The following COPB1 variants were observed in gnomAD, a reference collection of about 807,000 sequenced individuals.
COPB1 encodes the protein coatomer subunit beta.
A neutral mutation model predicts 108.7 loss-of-function variants in COPB1; 21 were observed. The observed-to-expected ratio is 0.19, with a 90% CI of 0.14 to 0.28. The LOEUF (loss-of-function observed/expected upper bound fraction) is 0.28. Ranked by LOEUF, COPB1 falls within the 10% of genes least tolerant of loss-of-function variation. The pLI, the probability that COPB1 is intolerant of heterozygous loss-of-function variation, is 1.00. For missense variants in COPB1, 919 were observed against 1,141.3 expected (o/e 0.81, Z 2.81); for synonymous variants, 378 against 386.8 (o/e 0.98, Z 0.27).
rs1315148651 is a variant in COPB1, at chr11:14,461,220, C to T, written c.2522G>A (p.Arg841His). 1.1e-5 allele frequency: 17 copies of T among 1,614,018 alleles called. No homozygotes were observed. The highest frequency in any genetic ancestry group is 2.2e-5 in the South Asian group (2 of 91,074). ...QPATCTDAEF[R>H]QMWAEFEWEN... Reference sequence around the variant, plus strand: ...CCATTCAAATTCGGCCCACATCTGACGGAATTCTGCATCAGTGCAAGTTGC... The same window carrying T: ...CCATTCAAATTCGGCCCACATCTGATGGAATTCTGCATCAGTGCAAGTTGC... The change falls in exon 19 of 22, where the codon CGT (arginine) becomes CAT (histidine). Residue 841 changes from arginine (R) to histidine (H), a missense_variant. Around this residue, in one of 5 missense-constraint regions of COPB1, gnomAD observed 705 missense variants for 817.8 expected, o/e 0.86. Transcript: ENST00000439561.
At chr11:14,469,595 T>A (rs773875037) in intron 14 of COPB1, 32 bp from the exon 15 acceptor site, 23 of 1,553,582 alleles carry the variant, frequency 1.5e-5, no homozygotes, top group Non-Finnish European at 2.0e-5. Flanking sequence ...TTACTGATAT[T>A]GTCTTGATTC....
At chr11:14,465,646 A>G (rs2134097154) in intron 17 of COPB1, among the ~76,000 whole-genome samples, 1 of 152,352 alleles carries the variant, frequency 6.6e-6, no homozygotes, top group Admixed American at 6.5e-5. Flanking sequence ...CTTAAGAAAC[A>G]TGGTTTTTTA....
At chr11:14,487,612 C>A (rs1239170990) in intron 6 of COPB1, among the ~76,000 whole-genome samples, 1 of 151,428 alleles carries the variant, frequency 6.6e-6, no homozygotes, top group Non-Finnish European at 1.5e-5. Context: ...GAGGTAGAGG[C>A]AGCAGTGAGC....
chr11:14,476,406 C>A (rs1185312324), intron 12 of COPB1, among the ~76,000 whole-genome samples: 2 of 152,180 alleles, frequency 1.3e-5, no homozygotes, highest in African/African-American at 2.4e-5. Context: ...TTTAAATTAA[C>A]TGAATGGCTA....
intron 16 of COPB1, 33 bp from the exon 17 acceptor site, chr11:14,466,459 G>A: frequency 1.8e-5 from 29 of 1,590,592 alleles, no homozygotes; most frequent in Non-Finnish European, 2.4e-5. Flanking sequence ...ATAATCAAAT[G>A]ACAGATGCAA....
chr11:14,463,269 C>G (rs1223698899), intron 18 of COPB1, among the ~76,000 whole-genome samples: 1 of 152,106 alleles, frequency 6.6e-6, no homozygotes, highest in African/African-American at 2.4e-5. Flanking sequence ...TGGGTGATTT[C>G]TTCTATTCCT....
chr11:14,470,941 C>T (rs1284227829), intron 14 of COPB1, among the ~76,000 whole-genome samples: 5 of 111,902 alleles, frequency 4.5e-5, no homozygotes, highest in Non-Finnish European at 7.1e-5. Flanking sequence ...CACACACACA[C>T]ACACTCTCTC....
At chr11:14,462,577 G>A (rs1161829924) in intron 18 of COPB1, among the ~76,000 whole-genome samples, 1 of 152,052 alleles carries the variant, frequency 6.6e-6, no homozygotes, top group Non-Finnish European at 1.5e-5. Context: ...AACTTTCAGG[G>A]AAAACTGAGG....
chr11:14,498,884 T>C lies in COPB1; in HGVS notation c.45A>G (p.Pro15=), dbSNP rs368221445. The C allele has an allele frequency of 1.5e-4, 248 of 1,610,936 alleles. No individual in the cohort carries two copies. The highest frequency in any genetic ancestry group is 9.9e-4 in the South Asian group (89 of 89,876). The part of the protein sequence containing the change: ...ENVCYTLINV[P]MDSEPPSEIS... ...TTTCAGATGGTGGTTCTGAATCCATTGGCACGTTAATTAACGTGTAGCATA... is the reference window on the plus strand; with the variant it reads ...TTTCAGATGGTGGTTCTGAATCCATCGGCACGTTAATTAACGTGTAGCATA... The change falls in exon 2 of 22, where the codon CCA becomes CCG. Residue 15 remains proline (P), a synonymous_variant. Transcript: ENST00000439561.
intron 7 of COPB1, 108 bp downstream of exon 7, chr11:14,486,259 T>G: frequency 1.3e-5 from 17 of 1,296,504 alleles, no homozygotes; most frequent in Non-Finnish European, 1.7e-5. Context: ...TTTGTAGTTA[T>G]TCTCTCTGTG....
intron 14 of COPB1, among the ~76,000 whole-genome samples, chr11:14,470,082 C>T (rs1466865925): frequency 6.6e-6 from 1 of 152,216 alleles, no homozygotes; most frequent in Non-Finnish European, 1.5e-5. Context: ...TTCCAAAATA[C>T]AGCTTCTATA....
intron 16 of COPB1, among the ~76,000 whole-genome samples, chr11:14,467,032 AG>A (rs538619265): frequency 1.3e-3 from 197 of 152,328 alleles, no homozygotes; most frequent in African/African-American, 4.7e-3. Flanking sequence ...AGGCAATAAA[AG>A]AAAAAATAGA....
rs1211318627 is a variant in COPB1 at position 14,491,667 on chromosome 11, CT to C, written c.492-989del. ...CTGGGCGACAAGAGTGAAACTCTGT[CT>C]CAAAAAAAAAAAAAAAAAGGAACTG... On this transcript the variant is annotated intron_variant, in intron 4 of 21. Transcript: ENST00000439561. Among the ~76,000 whole-genome samples the C allele has an allele frequency of 1.2e-3, 25 of 20,424 alleles. No individual in the cohort carries two copies. The Admixed American group carries it at 0.017, about 14-fold the overall frequency. 13.4% of individuals were successfully genotyped at this position (20,424 alleles called of 152,430 possible).
intron 2 of COPB1, among the ~76,000 whole-genome samples, chr11:14,497,453 T>A (rs1475779030): frequency 1.3e-5 from 2 of 152,162 alleles, no homozygotes; most frequent in East Asian, 3.8e-4. Context: ...TCAACATCAC[T>A]GATCATCAGA....
chr11:14,473,588 C>A (rs532505397), intron 14 of COPB1, among the ~76,000 whole-genome samples: 1 of 49,168 alleles, frequency 2.0e-5, no homozygotes, highest in African/African-American at 8.5e-5. Context: ...CCGGAACACA[C>A]ACAACAATTA....
chr11:14,498,189 G>A (rs1231493956), intron 2 of COPB1, among the ~76,000 whole-genome samples: 1 of 152,212 alleles, frequency 6.6e-6, no homozygotes. Flanking sequence ...TTGTCACACA[G>A]AAGACAAATG....
chr11:14,459,831 G>A (rs193049869), intron 20 of COPB1, among the ~76,000 whole-genome samples: 28 of 152,200 alleles, frequency 1.8e-4, no homozygotes, highest in African/African-American at 6.3e-4. Context: ...TGGCCAGGCT[G>A]GTCTCAAACT....
At chr11:14,496,826 A>T (rs1851031525) in intron 2 of COPB1, among the ~76,000 whole-genome samples, 1 of 152,230 alleles carries the variant, frequency 6.6e-6, no homozygotes, top group Non-Finnish European at 1.5e-5. Flanking sequence ...TAACCAAAAC[A>T]GCATGGTACT....
In COPB1 at chr11:14,461,270, G is replaced by A. The variant is rs780164168; in HGVS notation, c.2472C>T (p.Ile824=). The A allele has an allele frequency of 9.3e-6, 15 of 1,614,012 alleles. No individual in the cohort carries two copies. The highest frequency in any genetic ancestry group is 1.3e-5 in the African/African-American group (1 of 74,920). ...RNCVVLSDIH[I]DIMDYIQPAT... ...CAGGCTGGATATAGTCCATGATGTC[G>A]ATGTGAATATCACTGAGAACCACAC... The change falls in exon 19 of 22, where the codon ATC becomes ATT. Residue 824 remains isoleucine, a synonymous_variant. Transcript: ENST00000439561.
Sources: gnomAD v4.1 joint callset for allele counts (sites outside exome capture counted in the v4.1 genomes callset) on GRCh38, gnomAD v4.1.1 for gene constraint, gnomAD v4.1.1 regional missense constraint, MANE v1.5 for transcripts, NCBI Gene and HGNC (gene_info 2026-07-23, HGNC 2026-07-21) for gene names.